LRMDA: variants seen among roughly 807,000 people sequenced by gnomAD.
The protein encoded by LRMDA is leucine-rich melanocyte differentiation-associated protein.
LRMDA carries 18 observed loss-of-function variants against 29.8 expected under a neutral mutation model. That is an observed-to-expected ratio of 0.60 (90% CI 0.42 to 0.90). The LOEUF is 0.90. Among genes scored for constraint, LRMDA ranks in the 40% least tolerant of loss-of-function variants. LRMDA has a pLI of 0.00. For missense variants in LRMDA, 273 were observed against 273.9 expected (o/e 1.00, Z 0.02); for synonymous variants, 125 against 109.4 (o/e 1.14, Z -0.89).
At position 75,682,868 on chromosome 10, in the gene LRMDA, A is replaced by T. The variant is rs147323592; in HGVS notation, c.131+244374A>T. On this transcript the variant is annotated intron_variant, in intron 2 of 6. Transcript: ENST00000611255. ...GTGGACACATGGAACTTAAGAAAAA[A>T]TGGAGCAAATGGCTGGAGATAGAGG... Among the ~76,000 whole-genome samples, 452 of 152,312 alleles carry T rather than the reference A, an allele frequency of 3.0e-3. 2 individuals are homozygous for T. The highest frequency in any genetic ancestry group is 0.01 in the African/African-American group (435 of 41,562).
chr10:75,466,854 G>T (rs780585226), intron 2 of LRMDA, among the ~76,000 whole-genome samples: 1 of 151,742 alleles, frequency 6.6e-6, no homozygotes, highest in Non-Finnish European at 1.5e-5. Flanking sequence ...TCCTTTTCTA[G>T]CTTTTGGGAA....
At chr10:76,260,212 T>G (rs1367654311) in intron 5 of LRMDA, among the ~76,000 whole-genome samples, 1 of 152,212 alleles carries the variant, frequency 6.6e-6, no homozygotes, top group African/African-American at 2.4e-5. Flanking sequence ...TAGTGATAGG[T>G]TTCTCTTCTT....
chr10:75,825,921 G>T (rs1844240068), intron 2 of LRMDA, among the ~76,000 whole-genome samples: 1 of 152,188 alleles, frequency 6.6e-6, no homozygotes. Context: ...AACATAAACA[G>T]CGGCTGCATG....
chr10:75,664,830 A>G (rs1227284487), intron 2 of LRMDA, among the ~76,000 whole-genome samples: 1 of 152,246 alleles, frequency 6.6e-6, no homozygotes, highest in Non-Finnish European at 1.5e-5. Flanking sequence ...TAATTCAACC[A>G]TAAATGCTTA....
At position 76,349,541 on chromosome 10, in the gene LRMDA, C is replaced by T. The variant is rs903531340; in HGVS notation, c.601+25056C>T. Among the ~76,000 whole-genome samples, 4 of 152,024 alleles carry T rather than the reference C, an allele frequency of 2.6e-5. No homozygotes were observed. The South Asian group carries it at 8.3e-4, about 31-fold the overall frequency. On this transcript the variant is annotated intron_variant, in intron 6 of 6. Transcript: ENST00000611255. ...TCATACCTATTTGATATAAACGCTG[C>T]ACTTCCTGGTTATTTGGGATAAACA...
chr10:75,798,980 T>C (rs1843701319), intron 2 of LRMDA, among the ~76,000 whole-genome samples: 1 of 152,210 alleles, frequency 6.6e-6, no homozygotes, highest in Non-Finnish European at 1.5e-5. Flanking sequence ...CATGAATACA[T>C]CTTGTGTACT....
At chr10:76,362,939 G>C (rs1258871642) in intron 6 of LRMDA, among the ~76,000 whole-genome samples, 4 of 151,352 alleles carry the variant, frequency 2.6e-5, no homozygotes. Context: ...CCAGCAGACA[G>C]AGCTCCTCCA....
At chr10:75,593,264 A>G (rs1371139785) in intron 2 of LRMDA, among the ~76,000 whole-genome samples, 1 of 152,208 alleles carries the variant, frequency 6.6e-6, no homozygotes, top group Non-Finnish European at 1.5e-5. Flanking sequence ...CTTGAGTGCA[A>G]TAAGTGATTA....
chr10:76,551,529 G>T (rs2637253), intron 6 of LRMDA, among the ~76,000 whole-genome samples: 64,229 of 151,988 alleles, frequency 0.42, 14,640 homozygotes, highest in Middle Eastern at 0.56. Flanking sequence ...TTACAAAGCC[G>T]TACACATTTG....
At chr10:76,239,668 T>C (rs183546062) in intron 5 of LRMDA, among the ~76,000 whole-genome samples, 1 of 152,290 alleles carries the variant, frequency 6.6e-6, no homozygotes. Flanking sequence ...ACCCACATTC[T>C]GCTTTGGCTG....
At chr10:75,432,215 G>A (rs1289601189) in intron 1 of LRMDA, among the ~76,000 whole-genome samples, 2 of 152,228 alleles carry the variant, frequency 1.3e-5, no homozygotes, top group South Asian at 4.1e-4. Flanking sequence ...TGGAGGAAGG[G>A]GTTTATGAAG....
intron 2 of LRMDA, among the ~76,000 whole-genome samples, chr10:75,544,496 G>A (rs1840054208): frequency 6.6e-6 from 1 of 152,136 alleles, no homozygotes; most frequent in Admixed American, 6.5e-5. Context: ...GATATAGGGT[G>A]CTCGAAAGAC....
At chr10:76,451,954 G>T (rs1410774801) in intron 6 of LRMDA, among the ~76,000 whole-genome samples, 1 of 152,152 alleles carries the variant, frequency 6.6e-6, no homozygotes. Flanking sequence ...ACCATGCCTG[G>T]CCCGATGCTT....
intron 2 of LRMDA, among the ~76,000 whole-genome samples, chr10:75,822,731 A>T (rs1564577788): frequency 1.3e-5 from 2 of 150,260 alleles, no homozygotes; most frequent in African/African-American, 4.9e-5. Flanking sequence ...ATTCAGTATA[A>T]TTTTTTTTTT....
At chr10:75,752,878 C>A (rs556171262) in intron 2 of LRMDA, among the ~76,000 whole-genome samples, 3 of 152,184 alleles carry the variant, frequency 2.0e-5, no homozygotes, top group African/African-American at 7.2e-5. Context: ...GAGACCAATT[C>A]GAGTCTGAAT....
intron 2 of LRMDA, among the ~76,000 whole-genome samples, chr10:75,843,392 T>C (rs1197597049): frequency 6.6e-6 from 1 of 152,224 alleles, no homozygotes; most frequent in African/African-American, 2.4e-5. Flanking sequence ...TCCTGAAGGA[T>C]AGTCAGGTCA....
intron 5 of LRMDA, among the ~76,000 whole-genome samples, chr10:76,249,943 C>T (rs777445457): frequency 5.3e-5 from 8 of 152,304 alleles, no homozygotes; most frequent in Middle Eastern, 3.4e-3. Flanking sequence ...GCTGGGATTA[C>T]AGGCATGTGC....
At chr10:76,397,385 C>A (rs998397389) in intron 6 of LRMDA, among the ~76,000 whole-genome samples, 1 of 152,214 alleles carries the variant, frequency 6.6e-6, no homozygotes, top group Admixed American at 6.5e-5. Context: ...GCAGGGGCCA[C>A]TAGCATTGGG....
intron 5 of LRMDA, among the ~76,000 whole-genome samples, chr10:76,080,369 T>C (rs1162252288): frequency 6.6e-6 from 1 of 152,238 alleles, no homozygotes; most frequent in Non-Finnish European, 1.5e-5. Context: ...GGGGCCAAAC[T>C]TAGGGATGGT....
Sources: allele counts gnomAD v4.1 joint callset (sites outside exome capture counted in the v4.1 genomes callset), GRCh38; gene constraint gnomAD v4.1.1; transcripts MANE v1.5; gene names NCBI Gene and HGNC (gene_info 2026-07-23, HGNC 2026-07-21).